Variants in ZNF565 observed in about 807,000 individuals in gnomAD.
The protein encoded by ZNF565 is zinc finger protein 565.
A neutral mutation model predicts 39.4 loss-of-function variants in ZNF565; 27 were observed. That is an observed-to-expected ratio of 0.69 (90% CI 0.51 to 0.95). The LOEUF is 0.95. Among genes scored for constraint, ZNF565 ranks in the 40% least tolerant of loss-of-function variants. The pLI is 0.00. For missense variants in ZNF565, 524 were observed against 621.1 expected (o/e 0.84, Z 1.66); for synonymous variants, 185 against 216.6 (o/e 0.85, Z 1.28).
chr19:36,190,113 T>G (rs575752155), intron 4 of ZNF565, among the ~76,000 whole-genome samples: 7 of 152,044 alleles, frequency 4.6e-5, no homozygotes, highest in Non-Finnish European at 1.0e-4. Flanking sequence ...ATTACAGGTG[T>G]GTGCCACCGC....
At position 36,188,360 on chromosome 19, in the gene ZNF565, G is replaced by A. The variant is rs191189130; in HGVS notation, c.233-4627C>T. On this transcript the variant is annotated intron_variant, in intron 4 of 4. Transcript: ENST00000304116. Reference sequence around the variant, plus strand: ...ACAAAGTGAGACTCAAGGGCTTCAAGGAAAAATAAAAGAGAGAGAGAAAAA... The same window carrying A: ...ACAAAGTGAGACTCAAGGGCTTCAAAGAAAAATAAAAGAGAGAGAGAAAAA... Among the ~76,000 whole-genome samples, 73 of 146,970 alleles carry A rather than the reference G, an allele frequency of 5.0e-4. No homozygotes were observed. The Middle Eastern group carries it at 0.015, about 30-fold the overall frequency.
chr19:36,244,985 T>A (rs2029883239), intron 1 of ZNF565, among the ~76,000 whole-genome samples: 1 of 152,114 alleles, frequency 6.6e-6, no homozygotes, highest in South Asian at 2.1e-4. Flanking sequence ...TCGTATTATG[T>A]GGTAATTTTC....
intron 1 of ZNF565, chr19:36,238,159 GA>G: frequency 6.0e-6 from 1 of 167,212 alleles, no homozygotes; most frequent in East Asian, 1.9e-4. Context: ...TGCAACAAAT[GA>G]AATCCACATG....
intron 2 of ZNF565, among the ~76,000 whole-genome samples, chr19:36,197,668 T>C (rs1373616516): frequency 1.3e-5 from 2 of 152,146 alleles, no homozygotes; most frequent in African/African-American, 4.8e-5. Context: ...AAGTGGCTTA[T>C]ATCTAAAAGA....
intron 1 of ZNF565, among the ~76,000 whole-genome samples, chr19:36,225,712 A>C (rs1187728654): frequency 1.4e-5 from 2 of 146,070 alleles, no homozygotes; most frequent in Non-Finnish European, 3.0e-5. Context: ...TGCTGGGATT[A>C]CAGGCATGAG....
intron 1 of ZNF565, among the ~76,000 whole-genome samples, chr19:36,230,604 G>A (rs117478882): frequency 1.1e-4 from 16 of 152,254 alleles, no homozygotes; most frequent in Non-Finnish European, 1.8e-4. Flanking sequence ...TTAGCCAGAA[G>A]GAACAAAAGT....
At chr19:36,224,976 C>CCTTA (rs140944487) in intron 1 of ZNF565, among the ~76,000 whole-genome samples, 39,368 of 151,736 alleles carry the variant, frequency 0.26, 5,485 homozygotes, top group African/African-American at 0.37. Context: ...TCCCTGCTTT[C>CCTTA]CTTAGTTATT....
At chr19:36,203,336 C>CAAAAAAAA (rs34808722) in intron 1 of ZNF565, 1 of 88,992 alleles carries the variant, frequency 1.1e-5, no homozygotes, top group Non-Finnish European at 2.2e-5. Context: ...AACTCTGTCT[C>CAAAAAAAA]AAAAAAAAAA....
intron 1 of ZNF565, among the ~76,000 whole-genome samples, chr19:36,233,524 T>C (rs1487748135): frequency 6.6e-6 from 1 of 151,970 alleles, no homozygotes; most frequent in Non-Finnish European, 1.5e-5. Context: ...GACCGGCCTC[T>C]TGAGTTCCCT....
chr19:36,232,465 C>T (rs918392736), intron 1 of ZNF565, among the ~76,000 whole-genome samples: 2 of 151,828 alleles, frequency 1.3e-5, no homozygotes, highest in African/African-American at 4.8e-5. Flanking sequence ...TAGATTTTGC[C>T]GTCTATAGTC....
intron 4 of ZNF565, among the ~76,000 whole-genome samples, chr19:36,193,849 C>T (rs981058916): frequency 2.6e-5 from 4 of 152,048 alleles, no homozygotes; most frequent in Non-Finnish European, 4.4e-5. Flanking sequence ...GTGGGAGGAT[C>T]GCTTAAGCCC....
At chr19:36,241,695 G>A (rs1977803335) in intron 1 of ZNF565, among the ~76,000 whole-genome samples, 1 of 149,986 alleles carries the variant, frequency 6.7e-6, no homozygotes, top group Non-Finnish European at 1.5e-5. Context: ...GGGAGGCTGA[G>A]CTAGGAGAAT....
intron 1 of ZNF565, among the ~76,000 whole-genome samples, chr19:36,210,870 C>T (rs1263362858): frequency 1.3e-5 from 2 of 151,906 alleles, no homozygotes; most frequent in African/African-American, 4.8e-5. Flanking sequence ...AGGGAAAGTA[C>T]CACATCAACG....
upstream of ZNF565, among the ~76,000 whole-genome samples, chr19:36,216,157 A>G (rs1434928247): frequency 1.3e-5 from 2 of 152,232 alleles, no homozygotes; most frequent in East Asian, 3.8e-4. Context: ...TATCAGTTAG[A>G]ATACATAGTT....
At chr19:36,191,933 C>T (rs762564727) in intron 4 of ZNF565, among the ~76,000 whole-genome samples, 16 of 151,726 alleles carry the variant, frequency 1.1e-4, no homozygotes, top group Non-Finnish European at 2.1e-4. Context: ...TTATCAATTA[C>T]GGATGGAAAC....
chr19:36,216,118 T>TATAA (rs1976593441), upstream of ZNF565, among the ~76,000 whole-genome samples: 1 of 152,210 alleles, frequency 6.6e-6, no homozygotes, highest in South Asian at 2.1e-4. Context: ...AGTTAATATC[T>TATAA]ATAAATAAAT....
intron 4 of ZNF565, among the ~76,000 whole-genome samples, chr19:36,186,937 C>A (rs1411504702): frequency 1.3e-5 from 2 of 151,874 alleles, no homozygotes; most frequent in East Asian, 3.9e-4. Context: ...ATGCCTGCAA[C>A]CCCAGCACTT....
upstream of ZNF565, among the ~76,000 whole-genome samples, chr19:36,218,825 G>C (rs146457452): frequency 1.7e-4 from 24 of 142,816 alleles, no homozygotes; most frequent in Admixed American, 5.7e-4. Flanking sequence ...TTGGTGGAGG[G>C]GGGGACAGAG....
chr19:36,194,351 G>T (rs1267801849), intron 3 of ZNF565, 23 bp from the exon 4 acceptor site: 1 of 1,580,018 alleles, frequency 6.3e-7, no homozygotes, highest in Admixed American at 1.8e-5. Context: ...AAAGAAATGG[G>T]GTGTGATCAG....
Sources: allele counts gnomAD v4.1 joint callset (sites outside exome capture counted in the v4.1 genomes callset), GRCh38; gene constraint gnomAD v4.1.1; transcripts MANE v1.5; gene names NCBI Gene and HGNC (gene_info 2026-07-23, HGNC 2026-07-21).